Variants in NCAPG observed in about 807,000 individuals in gnomAD.
The protein encoded by NCAPG is condensin complex subunit 3.
A neutral mutation model predicts 113.1 loss-of-function variants in NCAPG; 69 were observed. The ratio of observed to expected loss-of-function variants is 0.61; its 90% CI spans 0.50 to 0.75. NCAPG has a LOEUF of 0.75. Among genes scored for constraint, NCAPG ranks in the 30% least tolerant of loss-of-function variants. NCAPG has a pLI of 0.00. For synonymous variants in NCAPG, 370 were observed against 415.8 expected (o/e 0.89, Z 1.34); for missense variants, 1,058 against 1,177.0 (o/e 0.90, Z 1.48).
intron 16 of NCAPG, among the ~76,000 whole-genome samples, chr4:17,839,180 T>G (rs1415155222): frequency 6.6e-6 from 1 of 152,144 alleles, no homozygotes; most frequent in Non-Finnish European, 1.5e-5. Context: ...GGCATAGCCC[T>G]AAGTTCAACT....
intron 15 of NCAPG, 56 bp downstream of exon 15, chr4:17,837,396 C>G (rs1161194260): frequency 2.8e-6 from 4 of 1,450,708 alleles, no homozygotes; most frequent in Non-Finnish European, 3.8e-6. Flanking sequence ...TTCAAGTCCC[C>G]CATGAATTAT....
At chr4:17,813,301 CT>C in intron 3 of NCAPG, 156 bp downstream of exon 3, 1 of 536,288 alleles carries the variant, frequency 1.9e-6, no homozygotes, top group Middle Eastern at 5.3e-4. Flanking sequence ...AACCACCCAG[CT>C]TAAAAAAAAA....
intron 13 of NCAPG, among the ~76,000 whole-genome samples, chr4:17,833,465 A>AT (rs1560230406): frequency 7.1e-6 from 1 of 141,844 alleles, no homozygotes; most frequent in Non-Finnish European, 1.5e-5. Context: ...TCTCAAAAAA[A>AT]AAAAATATAT....
At position 17,813,103 on chromosome 4, in the gene NCAPG, C is replaced by T. The variant is rs200730052; in HGVS notation, c.502C>T (p.Arg168Ter). ...VRIQAVLALS[R>*]LQDPKDDECP... Reference sequence around the variant, plus strand: ...AATACAGGCAGTTCTGGCGCTTTCACGACTTCAGGATCCCAAGGATGATGA... The same window carrying T: ...AATACAGGCAGTTCTGGCGCTTTCATGACTTCAGGATCCCAAGGATGATGA... The change falls in exon 3 of 21, where the codon CGA becomes TGA. Residue 168 changes from arginine to a stop codon, truncating the protein, a stop_gained. Coordinates refer to ENST00000251496, the MANE Select transcript of NCAPG (RefSeq NM_022346.5). LOFTEE classifies it high-confidence loss of function. 20 of 1,613,984 alleles carry T rather than the reference C, an allele frequency of 1.2e-5. No homozygotes were observed. Among genetic ancestry groups the T allele is most frequent in the Non-Finnish European group, 1.4e-5 (17 of 1,179,916 alleles).
At chr4:17,837,429 T>C (rs777595872) in intron 15 of NCAPG, 89 bp downstream of exon 15, 1 of 1,320,100 alleles carries the variant, frequency 7.6e-7, no homozygotes, top group Non-Finnish European at 1.0e-6. Context: ...ATTTTGTTGT[T>C]GATACTTTTT....
intron 14 of NCAPG, 147 bp from the exon 15 acceptor site, chr4:17,837,012 C>T (rs1722126003): frequency 3.4e-6 from 2 of 596,980 alleles, no homozygotes; most frequent in Non-Finnish European, 5.5e-6. Flanking sequence ...TTTGAAGAAA[C>T]AGTCTTTTTA....
chr4:17,843,670 A>C lies in NCAPG; in HGVS notation c.*245A>C. On this transcript the variant is annotated 3_prime_UTR_variant, in exon 21 of 21. Coordinates refer to ENST00000251496, the MANE Select transcript of NCAPG (RefSeq NM_022346.5). Reference sequence around the variant, plus strand: ...AATCTGAGGTGGGCCTAGGAATCTCATTTTTAAATAGTCTCTCCAAGTGAT... The same window carrying C: ...AATCTGAGGTGGGCCTAGGAATCTCCTTTTTAAATAGTCTCTCCAAGTGAT... The C allele has an allele frequency of 4.3e-5, 13 of 299,018 alleles. No homozygotes were observed. The highest frequency in any genetic ancestry group is 1.0e-3 in the Middle Eastern group (1 of 954). The allele number at this position is 299,018 out of a possible 1,614,324, so 18.5% of individuals were successfully genotyped here. A position where few individuals can be genotyped will look rare whatever the true frequency, so the allele number is the denominator to read the frequency against.
At chr4:17,843,209 T>C (rs1722593070) in intron 20 of NCAPG, 93 bp from the exon 21 acceptor site, 5 of 1,375,960 alleles carry the variant, frequency 3.6e-6, no homozygotes, top group East Asian at 4.7e-5. Context: ...TAAACACTGA[T>C]AGAATGTGAG....
At position 17,843,296 on chromosome 4, in the gene NCAPG, A is replaced by G. The variant is rs1219857579; in HGVS notation, c.2925-6A>G. The G allele has an allele frequency of 3.1e-6, 5 of 1,610,572 alleles. No individual in the cohort carries two copies. The highest frequency in any genetic ancestry group is 2.7e-5 in the African/African-American group (2 of 74,770). On this transcript the variant is annotated splice_region_variant and splice_polypyrimidine_tract_variant and intron_variant, in intron 20 of 20. Coordinates refer to ENST00000251496, the MANE Select transcript of NCAPG (RefSeq NM_022346.5). ...CTAAATTCGTGTATTTTCAACATCT[A>G]TTTAGTGATCATGAAGTTCCAGAAC...
At chr4:17,842,605 C>T in intron 20 of NCAPG, 1 of 440,014 alleles carries the variant, frequency 2.3e-6, no homozygotes, top group Non-Finnish European at 4.1e-6. Flanking sequence ...TTAGTACTAT[C>T]TTTAATATGT....
rs1722734910 is a variant in NCAPG, at chr4:17,844,517, A to G, written c.*1092A>G. ...TGTGCCTCATAGAACTTATAAAAGGAGTCAAAGTTTCAAAGCAAGATAGTT... is the reference window on the plus strand; with the variant it reads ...TGTGCCTCATAGAACTTATAAAAGGGGTCAAAGTTTCAAAGCAAGATAGTT... On this transcript the variant is annotated 3_prime_UTR_variant, in exon 21 of 21. Transcript: ENST00000251496. The G allele has an allele frequency of 6.6e-6, 1 of 152,438 alleles. No individual in the cohort carries two copies. The highest frequency in any genetic ancestry group is 1.5e-5 in the Non-Finnish European group (1 of 67,888). 9.4% of individuals were successfully genotyped at this position (152,438 alleles called of 1,614,324 possible).
At position 17,817,463 on chromosome 4, in the gene NCAPG, G is replaced by C; in HGVS notation, c.968+10G>C. The C allele has an allele frequency of 6.2e-7, 1 of 1,609,148 alleles. No individual in the cohort carries two copies. The highest frequency in any genetic ancestry group is 1.1e-5 in the South Asian group (1 of 90,616). On this transcript the variant is annotated intron_variant, in intron 6 of 20. Coordinates refer to ENST00000251496, the MANE Select transcript of NCAPG (RefSeq NM_022346.5). Reference sequence around the variant, plus strand: ...AAAACAATGATGGCAGGTACATAAAGGATTCATTCTTTGAAATGTAGTACT... The same window carrying C: ...AAAACAATGATGGCAGGTACATAAACGATTCATTCTTTGAAATGTAGTACT...
intron 9 of NCAPG, 36 bp from the exon 10 acceptor site, chr4:17,824,932 C>G (rs752599375): frequency 6.9e-7 from 1 of 1,448,092 alleles, no homozygotes; most frequent in Non-Finnish European, 9.6e-7. Flanking sequence ...GCTGATATAT[C>G]AAACATATAT....
In NCAPG at chr4:17,831,036, A is replaced by C. The variant is rs777682929; in HGVS notation, c.1804A>C (p.Asn602His). The change falls in exon 13 of 21, where the codon AAC (asparagine) becomes CAC (histidine). Residue 602 changes from asparagine to histidine, a missense_variant. Physicochemically the swap from Asn to His is moderately conservative, Grantham distance 68. Coordinates refer to ENST00000251496, the MANE Select transcript of NCAPG (RefSeq NM_022346.5). The stretch of plus-strand genomic sequence containing the variant: ...AATAAGTATTCATCCTGTTGTAAGA[A>C]ACCTGGCTGTTTTATGCTTGGGATG... ...GIISIHPVVR[N>H]LAVLCLGCCG... 2 of 1,613,586 alleles carry C rather than the reference A, an allele frequency of 1.2e-6. No homozygotes were observed. Among genetic ancestry groups the C allele is most frequent in the South Asian group, 1.1e-5 (1 of 91,038 alleles).
intron 19 of NCAPG, chr4:17,841,650 C>CA (rs1302557771): frequency 2.0e-5 from 3 of 151,786 alleles, no homozygotes; most frequent in Admixed American, 1.3e-4. Flanking sequence ...TTTAATAGAC[C>CA]AAACTTCATA....
chr4:17,839,631 C>T, intron 16 of NCAPG, 45 bp from the exon 17 acceptor site: 1 of 1,298,392 alleles, frequency 7.7e-7, no homozygotes, highest in Non-Finnish European at 1.0e-6. Flanking sequence ...ATATAATAAT[C>T]ATAATCATCT....
chr4:17,836,486 T>G (rs1722100460), intron 14 of NCAPG, among the ~76,000 whole-genome samples: 1 of 152,176 alleles, frequency 6.6e-6, no homozygotes, highest in Non-Finnish European at 1.5e-5. Flanking sequence ...CTGCTTTTGG[T>G]GTCCTATCTA....
intron 3 of NCAPG, among the ~76,000 whole-genome samples, chr4:17,814,000 T>C (rs1299449579): frequency 6.6e-6 from 1 of 152,130 alleles, no homozygotes; most frequent in African/African-American, 2.4e-5. Context: ...CAACCTGTAC[T>C]TAATAATTGA....
At chr4:17,819,932 G>A (rs1007091173) in intron 7 of NCAPG, among the ~76,000 whole-genome samples, 1 of 152,162 alleles carries the variant, frequency 6.6e-6, no homozygotes, top group Non-Finnish European at 1.5e-5. Flanking sequence ...TGAAGAACCT[G>A]TGTGAATCTA....
Sources: gnomAD v4.1 joint callset for allele counts (sites outside exome capture counted in the v4.1 genomes callset) on GRCh38, gnomAD v4.1.1 for gene constraint, MANE v1.5 for transcripts, NCBI Gene and HGNC (gene_info 2026-07-23, HGNC 2026-07-21) for gene names.